Variants in THSD7B observed in about 807,000 individuals in gnomAD.
THSD7B encodes the protein thrombospondin type-1 domain-containing protein 7B.
A neutral mutation model predicts 213.6 loss-of-function variants in THSD7B; 138 were observed. That is an observed-to-expected ratio of 0.65 (90% confidence interval 0.56 to 0.74). THSD7B has a LOEUF of 0.74. Ranked by LOEUF, THSD7B falls within the 30% of genes least tolerant of loss-of-function variation. The pLI, the probability that THSD7B is intolerant of heterozygous loss-of-function variation, is 0.00. For missense variants in THSD7B, 1,931 were observed against 1,991.5 expected, an observed-to-expected ratio of 0.97 and a Z score of 0.58; for synonymous variants, 742 against 687.0, an observed-to-expected ratio of 1.08 and a Z score of -1.25.
chr2:137,148,983 G>A (rs35082972), intron 5 of THSD7B, among the ~76,000 whole-genome samples: 8,700 of 152,008 alleles, frequency 0.057, 372 homozygotes, highest in Middle Eastern at 0.1. Flanking sequence ...CTTTGTGGCA[G>A]CCCCTCCCAT....
At chr2:137,173,578 G>A (rs1437062173) in intron 7 of THSD7B, among the ~76,000 whole-genome samples, 3 of 152,178 alleles carry the variant, frequency 2.0e-5, no homozygotes, top group Admixed American at 6.5e-5. Context: ...GCAGAAGAGG[G>A]AATTAATATT....
intron 12 of THSD7B, among the ~76,000 whole-genome samples, chr2:137,353,349 A>G (rs1176012700): frequency 2.0e-5 from 3 of 152,078 alleles, no homozygotes; most frequent in African/African-American, 7.2e-5. Context: ...ATTCTGAATG[A>G]TTGTTAACCC....
intron 5 of THSD7B, among the ~76,000 whole-genome samples, chr2:137,147,502 C>T (rs773681619): frequency 1.3e-5 from 2 of 150,310 alleles, no homozygotes; most frequent in African/African-American, 2.4e-5. Flanking sequence ...TTTAGAGACA[C>T]AGAGTTCTTA....
At chr2:136,974,754 A>G (rs1323051519) in intron 2 of THSD7B, among the ~76,000 whole-genome samples, 1 of 152,154 alleles carries the variant, frequency 6.6e-6, no homozygotes, top group Non-Finnish European at 1.5e-5. Context: ...TTCTGGTTCT[A>G]GGTCTTTGAG....
Position 137,324,960 on chromosome 2 carries a change from C to T in THSD7B, c.2500+48934C>T, listed in dbSNP as rs143177057. On this transcript the variant is annotated intron_variant, in intron 12 of 27. Coordinates refer to ENST00000409968, the MANE Select transcript of THSD7B (RefSeq NM_001316349.2). Reference sequence around the variant, plus strand: ...GAATAGAGGTCAGCAAATTCCATTTCATACTTAACTGCATTCAACTGGTTG... The same window carrying T: ...GAATAGAGGTCAGCAAATTCCATTTTATACTTAACTGCATTCAACTGGTTG... 5.2e-3 allele frequency among the ~76,000 whole-genome samples: 787 copies of T among 152,328 alleles called. 6 individuals carry two copies. Among genetic ancestry groups the T allele is most frequent in the African/African-American group, 0.018 (747 of 41,574 alleles).
chr2:136,827,353 T>C (rs1682664827), intron 1 of THSD7B, among the ~76,000 whole-genome samples: 2 of 152,324 alleles, frequency 1.3e-5, no homozygotes, highest in African/African-American at 4.8e-5. Context: ...GGTCCTGAGC[T>C]GTTAGGATAT....
chr2:136,955,471 A>G (rs975416084), intron 2 of THSD7B, among the ~76,000 whole-genome samples: 1 of 152,192 alleles, frequency 6.6e-6, no homozygotes, highest in African/African-American at 2.4e-5. Context: ...ATGCTCTTTA[A>G]AAAAGAAACT....
intron 17 of THSD7B, among the ~76,000 whole-genome samples, chr2:137,574,442 T>G (rs1467220695): frequency 2.0e-5 from 3 of 152,132 alleles, no homozygotes; most frequent in Non-Finnish European, 4.4e-5. Flanking sequence ...CTTATGTACC[T>G]TCCAAGTTAC....
chr2:137,130,699 G>T (rs965085889), intron 5 of THSD7B, among the ~76,000 whole-genome samples: 1 of 150,876 alleles, frequency 6.6e-6, no homozygotes, highest in Non-Finnish European at 1.5e-5. Context: ...CCCTACAAAG[G>T]ACATGAAGTC....
intron 7 of THSD7B, among the ~76,000 whole-genome samples, chr2:137,210,655 A>G (rs1681082769): frequency 6.6e-6 from 1 of 152,064 alleles, no homozygotes; most frequent in African/African-American, 2.4e-5. Context: ...TTTGATGTAT[A>G]GTAATACATT....
chr2:137,459,714 A>G (rs1347131169), intron 15 of THSD7B, among the ~76,000 whole-genome samples: 3 of 151,970 alleles, frequency 2.0e-5, no homozygotes, highest in Non-Finnish European at 2.9e-5. Context: ...TCTCTAAGGA[A>G]CCTATCTAGG....
chr2:137,473,413 T>C (rs892342875), intron 15 of THSD7B, among the ~76,000 whole-genome samples: 1 of 152,074 alleles, frequency 6.6e-6, no homozygotes, highest in African/African-American at 2.4e-5. Context: ...TTTCACCGTG[T>C]TAGCCAGGAT....
In THSD7B at chr2:136,954,897, A is replaced by AT. The variant is rs892409107; in HGVS notation, c.139+72588dup. 7.9e-5 allele frequency among the ~76,000 whole-genome samples: 12 copies of AT among 151,396 alleles called. No individual in the cohort carries two copies. The South Asian group carries it at 8.4e-4, about 11-fold the overall frequency. On this transcript the variant is annotated intron_variant, in intron 2 of 27. Coordinates refer to ENST00000409968, the MANE Select transcript of THSD7B (RefSeq NM_001316349.2). ...AATATATATAGATACATTTGTTTCTATTTTTTTTACTGAGCATTTGCTTAA... is the reference window on the plus strand; with the variant it reads ...AATATATATAGATACATTTGTTTCTATTTTTTTTTACTGAGCATTTGCTTAA...
At chr2:136,923,696 T>C (rs1684474636) in intron 2 of THSD7B, among the ~76,000 whole-genome samples, 1 of 152,250 alleles carries the variant, frequency 6.6e-6, no homozygotes, top group Admixed American at 6.5e-5. Context: ...TGTGTGACTC[T>C]TATGATTAGT....
At chr2:137,164,453 A>T (rs1270142235) in intron 6 of THSD7B, among the ~76,000 whole-genome samples, 5 of 152,200 alleles carry the variant, frequency 3.3e-5, no homozygotes, top group Non-Finnish European at 5.9e-5. Context: ...TAGTTCAACC[A>T]TTGTGGAAGA....
At chr2:137,509,802 G>A (rs766582446) in intron 15 of THSD7B, among the ~76,000 whole-genome samples, 9 of 152,162 alleles carry the variant, frequency 5.9e-5, no homozygotes, top group Non-Finnish European at 1.3e-4. Flanking sequence ...AATAAAGACT[G>A]TGGTTAGAGG....
intron 15 of THSD7B, among the ~76,000 whole-genome samples, chr2:137,488,268 TTAAC>T (rs1411549428): frequency 1.1e-4 from 17 of 152,234 alleles, no homozygotes; most frequent in African/African-American, 1.9e-4. Flanking sequence ...AATTATTTAA[TTAAC>T]TATTAAGGTA....
intron 2 of THSD7B, among the ~76,000 whole-genome samples, chr2:136,946,296 G>A (rs2105066315): frequency 6.6e-6 from 1 of 152,282 alleles, no homozygotes; most frequent in South Asian, 2.1e-4. Context: ...AGTGGAGGCT[G>A]CAGAACTGGA....
intron 12 of THSD7B, among the ~76,000 whole-genome samples, chr2:137,404,466 T>TACACACAC (rs1267898611): frequency 3.7e-3 from 272 of 73,858 alleles, no homozygotes; most frequent in Non-Finnish European, 6.3e-3. Context: ...TATATATATA[T>TACACACAC]ATATATATAC....
Sources: gnomAD v4.1 joint callset for allele counts (sites outside exome capture counted in the v4.1 genomes callset) on GRCh38, gnomAD v4.1.1 for gene constraint, MANE v1.5 for transcripts, NCBI Gene and HGNC (gene_info 2026-07-23, HGNC 2026-07-21) for gene names.